The following API5 variants were observed in gnomAD, a reference collection of about 807,000 sequenced individuals.
API5 encodes apoptosis inhibitor 5, also known as FIF.
Under a neutral mutation model 71.9 loss-of-function variants are expected in API5, and 6 were observed. That is an observed-to-expected ratio of 0.08 (90% CI 0.05 to 0.16). The LOEUF (loss-of-function observed/expected upper bound fraction) is 0.16, where lower values mean the gene tolerates loss of function less well. Among genes scored for constraint, API5 ranks in the 10% least tolerant of loss-of-function variants. API5 has a pLI of 1.00. For synonymous variants in API5, 189 were observed against 221.3 expected (o/e 0.85, Z 1.30); for missense variants, 332 against 612.8 (o/e 0.54, Z 4.84).
chr11:43,315,273 C>G (rs1050311819), intron 1 of API5, among the ~76,000 whole-genome samples: 1 of 152,172 alleles, frequency 6.6e-6, no homozygotes, highest in Non-Finnish European at 1.5e-5. Context: ...CAGATCAAAT[C>G]CTCTTTTTGA....
Position 43,330,564 on chromosome 11 carries a change from G to A in API5, c.1278G>A (p.Lys426=). The A allele has an allele frequency of 6.3e-7, 1 of 1,582,294 alleles. No homozygotes were observed. The highest frequency in any genetic ancestry group is 8.7e-7 in the Non-Finnish European group (1 of 1,152,484). The part of the protein sequence containing the change: ...KITNNINVLI[K]DLFHIPPSYK... ...CAAACAATATCAATGTTTTAATCAA[G>A]GTAAGTCTGTAATACCAAGTGACAT... is the stretch of plus-strand genomic sequence containing the variant. The change falls in exon 11 of 14, where the codon AAG becomes AAA. Residue 426 remains lysine (K), a splice_region_variant and synonymous_variant. Coordinates refer to ENST00000531273, the MANE Select transcript of API5 (RefSeq NM_001142930.2).
intron 11 of API5, among the ~76,000 whole-genome samples, chr11:43,330,890 T>C (rs1478740664): frequency 6.6e-6 from 1 of 151,732 alleles, no homozygotes; most frequent in Non-Finnish European, 1.5e-5. Flanking sequence ...GAGAGCTTTC[T>C]GTACTGTAGG....
At position 43,342,644 on chromosome 11, in the gene API5, G is replaced by C. The variant is rs770869976; in HGVS notation, c.*134G>C. 1.3e-5 allele frequency: 11 copies of C among 875,860 alleles called. No individual in the cohort carries two copies. The highest frequency in any genetic ancestry group is 4.0e-5 in the Admixed American group (2 of 50,204). The allele number at this position is 875,860 out of a possible 1,614,324, so 54.3% of individuals were successfully genotyped here. A position where few individuals can be genotyped will look rare whatever the true frequency, so the allele number is the denominator to read the frequency against. On this transcript the variant is annotated 3_prime_UTR_variant, in exon 14 of 14. Transcript: ENST00000531273. ...AAAACTTAATGTTCTTTATACCTTTGTATGTATGACCTACTTTTGTAACAG... is the reference window on the plus strand; with the variant it reads ...AAAACTTAATGTTCTTTATACCTTTCTATGTATGACCTACTTTTGTAACAG...
At chr11:43,335,203 C>T (rs1396367295) in intron 11 of API5, 75 bp from the exon 12 acceptor site, 14 of 1,006,696 alleles carry the variant, frequency 1.4e-5, no homozygotes, top group Admixed American at 1.8e-5. Context: ...GATCTGTCTT[C>T]GTTTCCTACC....
chr11:43,330,670 ACTT>A (rs1855221367), intron 11 of API5, 106 bp downstream of exon 11: 3 of 865,970 alleles, frequency 3.5e-6, no homozygotes, highest in Non-Finnish European at 5.5e-6. Context: ...AGGCATGCAA[ACTT>A]CTTCTGGCTC....
intron 11 of API5, among the ~76,000 whole-genome samples, chr11:43,334,450 C>T (rs1422080862): frequency 6.6e-6 from 1 of 152,028 alleles, no homozygotes; most frequent in African/African-American, 2.4e-5. Flanking sequence ...CAATTCCCTA[C>T]TTTATATAGT....
chr11:43,328,866 C>A lies in API5; in HGVS notation c.1100C>A (p.Ala367Glu). 3.7e-6 allele frequency: 6 copies of A among 1,614,044 alleles called. No homozygotes were observed. Among genetic ancestry groups the A allele is most frequent in the Non-Finnish European group, 5.1e-6 (6 of 1,179,964 alleles). Residue 367 changes from alanine (A) to glutamate (E), a missense_variant, in exon 9 of 14, where the codon GCA becomes GAA. This residue lies in a region of API5 where 168 missense variants were observed against 343.9 expected (regional missense o/e 0.49). Coordinates refer to ENST00000531273, the MANE Select transcript of API5 (RefSeq NM_001142930.2). ...GATTTCTTAACAGCCAAACTGAATG[C>A]AGAAAAGCTCAAAGATTTCAAAATC... ...LPDFLTAKLN[A>E]EKLKDFKIRL... is the part of the protein sequence containing the mutation.
chr11:43,334,958 G>T (rs1855381819), intron 11 of API5, among the ~76,000 whole-genome samples: 1 of 152,088 alleles, frequency 6.6e-6, no homozygotes, highest in Admixed American at 6.5e-5. Flanking sequence ...GACTGCATCT[G>T]TGCAAAAACA....
intron 11 of API5, among the ~76,000 whole-genome samples, chr11:43,332,701 C>T (rs1275032941): frequency 6.6e-6 from 1 of 152,160 alleles, no homozygotes; most frequent in Non-Finnish European, 1.5e-5. Flanking sequence ...TATACACACA[C>T]ACACAGAGTC....
At chr11:43,323,884 G>A (rs1280150913) in intron 6 of API5, among the ~76,000 whole-genome samples, 2 of 152,100 alleles carry the variant, frequency 1.3e-5, no homozygotes, top group African/African-American at 4.8e-5. Flanking sequence ...CATCACATTG[G>A]TGCTCAAAAA....
chr11:43,317,365 A>T (rs1464361506), intron 1 of API5, among the ~76,000 whole-genome samples: 3 of 152,008 alleles, frequency 2.0e-5, no homozygotes, highest in Non-Finnish European at 2.9e-5. Context: ...TGAGTATTTG[A>T]GGGAGAGCAC....
At chr11:43,316,197 T>C (rs904066011) in intron 1 of API5, among the ~76,000 whole-genome samples, 3 of 152,210 alleles carry the variant, frequency 2.0e-5, no homozygotes, top group African/African-American at 7.2e-5. Context: ...TGTGGAAATA[T>C]TTATTTCACT....
chr11:43,322,370 G>A (rs537679580), intron 5 of API5, among the ~76,000 whole-genome samples: 9 of 152,138 alleles, frequency 5.9e-5, no homozygotes, highest in East Asian at 1.9e-4. Flanking sequence ...TAAACTTTTC[G>A]TGGTAGTGTC....
rs1418361326 is a variant in API5, at chr11:43,342,409, CT to C, written c.1493-17del. 1.3e-6 allele frequency: 2 copies of C among 1,578,134 alleles called. No homozygotes were observed. Among genetic ancestry groups the C allele is most frequent in the Non-Finnish European group, 1.7e-6 (2 of 1,163,010 alleles). On this transcript the variant is annotated intron_variant, in intron 13 of 13. Coordinates refer to ENST00000531273, the MANE Select transcript of API5 (RefSeq NM_001142930.2). The stretch of plus-strand genomic sequence containing the variant: ...TGAAATCCTAAGCAAGACCTAAACC[CT>C]TGTTCGCTTTTTCGTAGAGCAGAGA...
chr11:43,330,464 A>T, intron 10 of API5, 44 bp from the exon 11 acceptor site: 1 of 1,361,674 alleles, frequency 7.3e-7, no homozygotes, highest in Non-Finnish European at 1.1e-6. Context: ...TATGCCTCAT[A>T]GAAGTTATTG....
chr11:43,323,333 C>G, intron 5 of API5, 97 bp from the exon 6 acceptor site: 13 of 1,127,102 alleles, frequency 1.2e-5, no homozygotes, highest in Non-Finnish European at 1.7e-5. Context: ...AACAAACTGA[C>G]TTTAGTAACT....
intron 9 of API5, 74 bp downstream of exon 9, chr11:43,328,967 TG>T: frequency 6.6e-7 from 1 of 1,511,984 alleles, no homozygotes; most frequent in East Asian, 2.3e-5. Context: ...GTTTTGCTTT[TG>T]TTCTATGAGA....
At chr11:43,328,932 T>G in intron 9 of API5, 39 bp downstream of exon 9, 1 of 1,605,712 alleles carries the variant, frequency 6.2e-7, no homozygotes, top group Non-Finnish European at 8.5e-7. Flanking sequence ...TTGGCAAAGG[T>G]GGTAGCTATC....
At chr11:43,317,776 C>G (rs1360075394) in intron 1 of API5, among the ~76,000 whole-genome samples, 1 of 152,234 alleles carries the variant, frequency 6.6e-6, no homozygotes, top group Non-Finnish European at 1.5e-5. Context: ...CTCCTGGGTT[C>G]AAGCGATTCT....
Sources: gnomAD v4.1 joint callset for allele counts (sites outside exome capture counted in the v4.1 genomes callset) on GRCh38, gnomAD v4.1.1 for gene constraint, gnomAD v4.1.1 regional missense constraint, MANE v1.5 for transcripts, NCBI Gene and HGNC (gene_info 2026-07-23, HGNC 2026-07-21) for gene names.